Variants in ATF7 observed in about 807,000 individuals in gnomAD.
The protein encoded by ATF7 is activating transcription factor 7.
ATF7 carries 10 observed loss-of-function variants against 50.4 expected under a neutral mutation model. That is an observed-to-expected ratio of 0.20 (90% CI 0.12 to 0.34). The LOEUF is 0.34. Among genes scored for constraint, ATF7 ranks in the 10% least tolerant of loss-of-function variants. The pLI is 1.00. For synonymous variants in ATF7, 201 were observed against 226.4 expected (o/e 0.89, Z 1.01); for missense variants, 465 against 613.9 (o/e 0.76, Z 2.56).
chr12:53,619,712 G>A (rs1224169562), intron 1 of ATF7, among the ~76,000 whole-genome samples: 2 of 150,990 alleles, frequency 1.3e-5, no homozygotes, highest in South Asian at 2.1e-4. Context: ...CTCAGGAGGC[G>A]GAGGCAGGAT....
chr12:53,583,554 C>T (rs549060444), intron 2 of ATF7, among the ~76,000 whole-genome samples: 1 of 152,074 alleles, frequency 6.6e-6, no homozygotes, highest in East Asian at 1.9e-4. Flanking sequence ...CCCCCCACCC[C>T]CAGTCCATGA....
chr12:53,553,555 C>T (rs1940519849), intron 2 of ATF7, among the ~76,000 whole-genome samples: 1 of 152,026 alleles, frequency 6.6e-6, no homozygotes, highest in South Asian at 2.1e-4. Flanking sequence ...ATGCTCCTAC[C>T]CCTTCTTAAA....
intron 4 of ATF7, among the ~76,000 whole-genome samples, chr12:53,540,744 A>C (rs1447751718): frequency 6.6e-6 from 1 of 151,596 alleles, no homozygotes; most frequent in African/African-American, 2.4e-5. Flanking sequence ...AATAATAATA[A>C]ATAATAATAA....
At chr12:53,587,843 A>ATATATATTTTTTTT in intron 2 of ATF7, among the ~76,000 whole-genome samples, 21 of 61,568 alleles carry the variant, frequency 3.4e-4, no homozygotes, top group Non-Finnish European at 4.1e-4. Context: ...ATATATATAT[A>ATATATATTTTTTTT]TTTTTTTTTT....
At chr12:53,581,119 A>AT (rs1433628653) in intron 2 of ATF7, among the ~76,000 whole-genome samples, 1 of 151,978 alleles carries the variant, frequency 6.6e-6, no homozygotes, top group Non-Finnish European at 1.5e-5. Context: ...CTCAAAAAAA[A>AT]AAATAAATAA....
chr12:53,621,536 C>T (rs1394614564), intron 1 of ATF7, among the ~76,000 whole-genome samples: 3 of 152,004 alleles, frequency 2.0e-5, no homozygotes, highest in African/African-American at 7.3e-5. Context: ...AATCCTAGCA[C>T]TTTGGGAGTT....
At chr12:53,558,696 A>G (rs1358562743) in intron 2 of ATF7, among the ~76,000 whole-genome samples, 3 of 152,190 alleles carry the variant, frequency 2.0e-5, no homozygotes, top group African/African-American at 4.8e-5. Context: ...TTTGATTTTT[A>G]CTCCCTTATG....
At position 53,614,426 on chromosome 12, in the gene ATF7, CA is replaced by C. The variant is rs551218054; in HGVS notation, c.-22+11852del. 7.4e-4 allele frequency among the ~76,000 whole-genome samples: 113 copies of C among 152,230 alleles called. 1 individual carries two copies. The highest frequency in any genetic ancestry group is 2.6e-3 in the African/African-American group (106 of 41,558). The stretch of plus-strand genomic sequence containing the variant: ...TTCAGATAAAGTATGATCCTCAAAA[CA>C]ATAAGCCAAAAGTAATCAACCCCAA... On this transcript the variant is annotated intron_variant, in intron 1 of 11. Transcript: ENST00000420353.
intron 3 of ATF7, among the ~76,000 whole-genome samples, chr12:53,550,346 AT>A (rs1940275405): frequency 3.4e-5 from 5 of 147,260 alleles, no homozygotes; most frequent in South Asian, 2.1e-4. Flanking sequence ...AAATAAATAA[AT>A]AAATAAATAA....
chr12:53,565,902 A>G (rs1592886388), intron 2 of ATF7, among the ~76,000 whole-genome samples: 1 of 152,168 alleles, frequency 6.6e-6, no homozygotes, highest in Admixed American at 6.5e-5. Context: ...TAATTTATAA[A>G]GGAAAGAGGT....
intron 3 of ATF7, among the ~76,000 whole-genome samples, chr12:53,552,058 G>A (rs1218940442): frequency 1.3e-5 from 2 of 152,166 alleles, no homozygotes; most frequent in African/African-American, 4.8e-5. Flanking sequence ...TTGGAAATGT[G>A]CCCTCAATGG....
At chr12:53,583,453 A>G (rs1039935797) in intron 2 of ATF7, among the ~76,000 whole-genome samples, 10 of 151,856 alleles carry the variant, frequency 6.6e-5, no homozygotes, top group Non-Finnish European at 1.5e-4. Flanking sequence ...CTGATTCTAC[A>G]TTATGGTGAG....
intron 4 of ATF7, chr12:53,543,129 C>T (rs1939675980): frequency 1.4e-6 from 2 of 1,467,564 alleles, no homozygotes; most frequent in South Asian, 1.4e-5. Flanking sequence ...TGACGACAGA[C>T]TTGTGCTGAT....
In ATF7 at chr12:53,582,200, G is replaced by A. The variant is rs189752041; in HGVS notation, c.48+18753C>T. Among the ~76,000 whole-genome samples the A allele has an allele frequency of 7.3e-3, 1,104 of 151,646 alleles. 5 individuals carry two copies. The highest frequency in any genetic ancestry group is 0.012 in the Non-Finnish European group (830 of 67,908). ...AAAAATTAGCTGAGCATGGTGGCGC[G>A]CGCCTGTAATCCCAGCTACTCAGGA... is the stretch of plus-strand genomic sequence containing the variant. On this transcript the variant is annotated intron_variant, in intron 2 of 11. Coordinates refer to ENST00000420353, the MANE Select transcript of ATF7 (RefSeq NM_006856.3).
chr12:53,563,886 A>G (rs78089250), intron 2 of ATF7, among the ~76,000 whole-genome samples: 10,183 of 152,302 alleles, frequency 0.067, 502 homozygotes, highest in East Asian at 0.19. Context: ...TGTTCAAATC[A>G]GTGAGAATTA....
At chr12:53,603,779 G>A (rs1360910004) in intron 1 of ATF7, among the ~76,000 whole-genome samples, 2 of 149,294 alleles carry the variant, frequency 1.3e-5, no homozygotes, top group African/African-American at 4.9e-5. Flanking sequence ...TTCACTCCTG[G>A]TCTGCTGCAT....
At chr12:53,569,772 T>A (rs1465554098) in intron 2 of ATF7, among the ~76,000 whole-genome samples, 1 of 151,966 alleles carries the variant, frequency 6.6e-6, no homozygotes, top group East Asian at 1.9e-4. Context: ...TCCGCCTCCC[T>A]CGTTCAAAGG....
chr12:53,605,154 G>A (rs1223515858), intron 1 of ATF7, among the ~76,000 whole-genome samples: 4 of 151,792 alleles, frequency 2.6e-5, no homozygotes, highest in Non-Finnish European at 2.9e-5. Flanking sequence ...TTTGGGAGGC[G>A]GAGGCAGGCA....
intron 11 of ATF7, among the ~76,000 whole-genome samples, chr12:53,519,982 G>A (rs1015258296): frequency 5.9e-5 from 9 of 151,980 alleles, no homozygotes; most frequent in South Asian, 2.1e-4. Flanking sequence ...TCCTGACCTC[G>A]TGATCCGCCC....
Sources: allele counts gnomAD v4.1 joint callset (sites outside exome capture counted in the v4.1 genomes callset), GRCh38; gene constraint gnomAD v4.1.1; transcripts MANE v1.5; gene names NCBI Gene and HGNC (gene_info 2026-07-23, HGNC 2026-07-21).